CPAP: variants seen among roughly 807,000 people sequenced by gnomAD.
The protein encoded by CPAP is centrosomal P4.1-associated protein.
the CPAP span, chr13:24,883,287 C>T: frequency 6.2e-7 from 1 of 1,613,926 alleles, no homozygotes; most frequent in South Asian, 1.1e-5. Flanking sequence ...TTAACAGTGC[C>T]ATCTGGGTAT....
At chr13:24,887,588 A>C in the CPAP span, among the ~76,000 whole-genome samples, 2 of 152,146 alleles carry the variant, frequency 1.3e-5, no homozygotes, top group African/African-American at 4.8e-5. Context: ...GGGACCATCT[A>C]ATTGCAGGAA....
chr13:24,919,341 A>C, the CPAP span, among the ~76,000 whole-genome samples: 1 of 152,244 alleles, frequency 6.6e-6, no homozygotes, highest in Admixed American at 6.5e-5. Flanking sequence ...GGTGTGTTTT[A>C]TCTCACAGAT....
At chr13:24,886,063 CTT>C in the CPAP span, 1 of 363,484 alleles carries the variant, frequency 2.8e-6, no homozygotes, top group Non-Finnish European at 5.4e-6. Flanking sequence ...ATGGTATAAA[CTT>C]TTTGTAATAT....
chr13:24,920,714 G>A, the CPAP span, among the ~76,000 whole-genome samples: 4 of 145,880 alleles, frequency 2.7e-5, no homozygotes, highest in South Asian at 2.2e-4. Context: ...TCAGCCTCCC[G>A]GGTTCAAGCG....
At chr13:24,908,129 G>A in the CPAP span, 9 of 1,601,568 alleles carry the variant, frequency 5.6e-6, no homozygotes, top group Non-Finnish European at 7.7e-6. Context: ...ACTTTCTCCT[G>A]AGATAAAAAT....
At chr13:24,894,401 C>T in the CPAP span, among the ~76,000 whole-genome samples, 2,508 of 152,294 alleles carry the variant, frequency 0.016, 63 homozygotes, top group East Asian at 0.08. Flanking sequence ...AGGCCTCTGG[C>T]CCAAGCACAG....
the CPAP span, chr13:24,885,442 A>T: frequency 1.5e-6 from 2 of 1,300,350 alleles, no homozygotes; most frequent in African/African-American, 2.9e-5. Flanking sequence ...CCAAAGCCAG[A>T]TTCTGATATA....
chr13:24,922,732 C>T, the CPAP span: 1 of 152,296 alleles, frequency 6.6e-6, no homozygotes, highest in Admixed American at 6.5e-5. Context: ...GGACAAAGAG[C>T]TCCTCCGCTC....
At chr13:24,925,094 C>T in the CPAP span, among the ~76,000 whole-genome samples, 1 of 152,190 alleles carries the variant, frequency 6.6e-6, no homozygotes, top group East Asian at 1.9e-4. Context: ...GTGCCAGACA[C>T]AGAATAATAC....
chr13:24,892,147 C>G, the CPAP span, among the ~76,000 whole-genome samples: 1 of 152,198 alleles, frequency 6.6e-6, no homozygotes, highest in Non-Finnish European at 1.5e-5. Context: ...GCACCTAATG[C>G]AGTGCCTGGC....
the CPAP span, chr13:24,883,409 A>ATAT: frequency 2.8e-6 from 4 of 1,439,340 alleles, no homozygotes; most frequent in Non-Finnish European, 3.8e-6. Flanking sequence ...TAAAAAAAAA[A>ATAT]TAATAGAAAA....
chr13:24,933,994 G>A, the CPAP span, among the ~76,000 whole-genome samples: 1 of 152,100 alleles, frequency 6.6e-6, no homozygotes, highest in Non-Finnish European at 1.5e-5. Context: ...CCAAAGGGCC[G>A]GGAATACAGG....
the CPAP span, among the ~76,000 whole-genome samples, chr13:24,915,220 A>C: frequency 2.6e-5 from 4 of 152,318 alleles, no homozygotes; most frequent in South Asian, 8.3e-4. Flanking sequence ...ATTTCTTAAA[A>C]TTTCCTGGCT....
At chr13:24,905,994 T>C in the CPAP span, 2 of 1,614,182 alleles carry the variant, frequency 1.2e-6, no homozygotes, top group Non-Finnish European at 1.7e-6. Context: ...TTTTCAGAAG[T>C]GCTCTTTTGG....
the CPAP span, among the ~76,000 whole-genome samples, chr13:24,931,845 G>A: frequency 6.6e-6 from 1 of 152,164 alleles, no homozygotes; most frequent in Admixed American, 6.5e-5. Flanking sequence ...GCATTTCTCA[G>A]TTAAAGGACA....
the CPAP span, chr13:24,925,908 A>C: frequency 6.5e-6 from 1 of 152,846 alleles, no homozygotes; most frequent in South Asian, 2.1e-4. Flanking sequence ...AAAGGGGAAC[A>C]ATAATGTTAA....
chr13:24,922,626 C>T, the CPAP span: 2 of 152,604 alleles, frequency 1.3e-5, no homozygotes, highest in African/African-American at 2.4e-5. Context: ...TGAGCGCGTC[C>T]CGGCGCCCCG....
the CPAP span, among the ~76,000 whole-genome samples, chr13:24,899,185 G>A: frequency 7.9e-5 from 12 of 152,250 alleles, no homozygotes; most frequent in South Asian, 1.9e-3. Context: ...TGACATTATC[G>A]TGGTCTTTTC....
At chr13:24,912,465 A>T in the CPAP span, 1 of 854,110 alleles carries the variant, frequency 1.2e-6, no homozygotes, top group Non-Finnish European at 1.9e-6. Context: ...AAAATCTGGT[A>T]TTCTGAGGAT....
Sources: allele counts gnomAD v4.1 joint callset (sites outside exome capture counted in the v4.1 genomes callset), GRCh38; gene constraint gnomAD v4.1.1; transcripts MANE v1.5; gene names NCBI Gene and HGNC (gene_info 2026-07-23, HGNC 2026-07-21).